The following PTPRO variants were observed in gnomAD, a reference collection of about 807,000 sequenced individuals.
The protein encoded by PTPRO is protein tyrosine phosphatase receptor type O.
A neutral mutation model predicts 145.2 loss-of-function variants in PTPRO; 62 were observed. The observed-to-expected ratio is 0.43, with a 90% confidence interval of 0.35 to 0.53. The LOEUF (loss-of-function observed/expected upper bound fraction) is 0.53. Ranked by LOEUF, PTPRO falls within the 20% of genes least tolerant of loss-of-function variation. PTPRO has a pLI of 0.01. For missense variants in PTPRO, 1,345 were observed against 1,482.7 expected, an observed-to-expected ratio of 0.91 and a Z score of 1.53; for synonymous variants, 565 against 514.7, an observed-to-expected ratio of 1.10 and a Z score of -1.32.
chr12:15,559,576 G>A (rs1294948525), intron 16 of PTPRO, among the ~76,000 whole-genome samples: 4 of 152,098 alleles, frequency 2.6e-5, no homozygotes, highest in African/African-American at 9.7e-5. Flanking sequence ...AGTAGTTGAT[G>A]AGCTACTTAT....
At chr12:15,342,335 C>T (rs1271033308) in intron 1 of PTPRO, among the ~76,000 whole-genome samples, 1 of 152,166 alleles carries the variant, frequency 6.6e-6, no homozygotes, top group African/African-American at 2.4e-5. Flanking sequence ...ATTTCATACC[C>T]ATACCACCCA....
intron 1 of PTPRO, among the ~76,000 whole-genome samples, chr12:15,399,146 G>C (rs2136296662): frequency 6.6e-6 from 1 of 152,278 alleles, no homozygotes; most frequent in Admixed American, 6.5e-5. Context: ...TAAGAAAAAA[G>C]AAGCTTTGAT....
rs1203286253 is a variant in PTPRO, at chr12:15,597,911, G to A, written c.*1838G>A. On this transcript the variant is annotated 3_prime_UTR_variant, in exon 27 of 27. Transcript: ENST00000281171. ...GACATTCTTAGATTTTCACACATGG[G>A]CAGTCAGGAGTGAAATGTGCAACCT... Among the ~76,000 whole-genome samples, 2 of 152,218 alleles carry A rather than the reference G, an allele frequency of 1.3e-5. No homozygotes were observed. Among genetic ancestry groups the A allele is most frequent in the Non-Finnish European group, 2.9e-5 (2 of 68,034 alleles).
intron 1 of PTPRO, among the ~76,000 whole-genome samples, chr12:15,472,291 T>C (rs1941560239): frequency 1.3e-5 from 2 of 152,212 alleles, no homozygotes; most frequent in Admixed American, 1.3e-4. Context: ...TGGCCTTACA[T>C]CATCCCAGTC....
At chr12:15,392,498 A>G (rs184890265) in intron 1 of PTPRO, among the ~76,000 whole-genome samples, 93 of 152,032 alleles carry the variant, frequency 6.1e-4, no homozygotes, top group African/African-American at 2.1e-3. Context: ...AGATGGGTGG[A>G]TGATTTGAGA....
chr12:15,452,313 A>T (rs1448440481), intron 1 of PTPRO, among the ~76,000 whole-genome samples: 2 of 152,210 alleles, frequency 1.3e-5, no homozygotes, highest in Non-Finnish European at 2.9e-5. Flanking sequence ...GAAACCCTGA[A>T]CAGGCCAATA....
chr12:15,543,720 A>G (rs1278319681), intron 12 of PTPRO, among the ~76,000 whole-genome samples: 1 of 152,230 alleles, frequency 6.6e-6, no homozygotes, highest in Non-Finnish European at 1.5e-5. Flanking sequence ...CATAGATTAT[A>G]TAGGAAATAA....
At chr12:15,442,694 C>A (rs1220962654) in intron 1 of PTPRO, among the ~76,000 whole-genome samples, 1 of 151,946 alleles carries the variant, frequency 6.6e-6, no homozygotes, top group South Asian at 2.1e-4. Context: ...TTTTATACAC[C>A]AATAGCATTC....
At position 15,472,103 on chromosome 12, in the gene PTPRO, A is replaced by G. The variant is rs1381032; in HGVS notation, c.76-11871A>G. On this transcript the variant is annotated intron_variant, in intron 1 of 26. Transcript: ENST00000281171. ...AGAACTGAGCAGCCTATTCCTTCCT[A>G]GGTGGTAACCTGAGCACAGCAGAAT... 5.6e-3 allele frequency among the ~76,000 whole-genome samples: 856 copies of G among 152,320 alleles called. 56 individuals are homozygous for G. The East Asian group carries it at 0.14, about 25-fold the overall frequency.
intron 2 of PTPRO, among the ~76,000 whole-genome samples, chr12:15,491,281 A>G (rs185993528): frequency 1.3e-5 from 2 of 152,350 alleles, no homozygotes; most frequent in Admixed American, 1.3e-4. Flanking sequence ...CTGAACATGA[A>G]CACAATTGCT....
Position 15,322,740 on chromosome 12 carries a change from C to A in PTPRO, c.14C>A (p.Pro5His), listed in dbSNP as rs542092081. 6.2e-7 allele frequency: 1 copy of A among 1,612,126 alleles called. No individual in the cohort carries two copies. The highest frequency in any genetic ancestry group is 2.2e-5 in the East Asian group (1 of 44,828). Residue 5 changes from proline (P) to histidine (H), a missense_variant, in exon 1 of 27, where the codon CCC becomes CAC. Physicochemically the swap from Pro to His is moderately conservative, Grantham distance 77. Coordinates refer to ENST00000281171, the MANE Select transcript of PTPRO (RefSeq NM_030667.3). The surrounding 1 kb of genome is among the most constrained non-coding windows in gnomAD (Gnocchi z 6.3). The stretch of plus-strand genomic sequence containing the variant: ...GTCCGCGCAGCGATGGGGCACCTGC[C>A]CACGGGGATACACGGCGCCCGCCGC... MGHL[P>H]TGIHGARRLL... is the part of the protein sequence containing the mutation.
intron 25 of PTPRO, among the ~76,000 whole-genome samples, chr12:15,592,904 C>A (rs1361992096): frequency 6.6e-6 from 1 of 152,200 alleles, no homozygotes; most frequent in Admixed American, 6.5e-5. Flanking sequence ...TTGCTTTGAG[C>A]AGCCCATCCT....
chr12:15,560,381 A>G, intron 17 of PTPRO, 105 bp downstream of exon 17: 2 of 834,252 alleles, frequency 2.4e-6, no homozygotes, highest in South Asian at 1.5e-5. Context: ...ATGTTCAGTA[A>G]CATCTAAAGT....
rs760592216 is a variant in PTPRO, at chr12:15,513,147, GAA to G, written c.1465-2349_1465-2348del. ...AGGAAGGAAGGAAGGAAGGAAGAAAGAAAGAAAGAAAAAGAAAGAAAGAAAGA... is the reference window on the plus strand; with the variant it reads ...AGGAAGGAAGGAAGGAAGGAAGAAAGAGAAAGAAAAAGAAAGAAAGAAAGA... On this transcript the variant is annotated intron_variant, in intron 7 of 26. Transcript: ENST00000281171. Among the ~76,000 whole-genome samples the G allele has an allele frequency of 3.2e-4, 11 of 33,880 alleles. 1 individual carries two copies. The highest frequency in any genetic ancestry group is 2.2e-3 in the East Asian group (6 of 2,696). The allele number at this position is 33,880 out of a possible 152,430, so 22.2% of individuals were successfully genotyped here.
intron 18 of PTPRO, among the ~76,000 whole-genome samples, chr12:15,568,870 G>A (rs1381524506): frequency 1.3e-5 from 2 of 152,122 alleles, no homozygotes; most frequent in Non-Finnish European, 2.9e-5. Context: ...CTCTGCTTTG[G>A]GGAGACTGTA....
intron 1 of PTPRO, among the ~76,000 whole-genome samples, chr12:15,365,412 T>TTATA (rs141677187): frequency 6.7e-4 from 102 of 151,152 alleles, no homozygotes; most frequent in African/African-American, 2.1e-3. Context: ...CTATATATGT[T>TTATA]TATATATATA....
intron 4 of PTPRO, among the ~76,000 whole-genome samples, chr12:15,500,507 G>C (rs3790003): frequency 0.96 from 146,427 of 152,310 alleles, 70,443 homozygotes; most frequent in Middle Eastern, 1. Flanking sequence ...GGATCCTTGT[G>C]CTCAAAAATT....
At chr12:15,440,713 A>G (rs1327512274) in intron 1 of PTPRO, among the ~76,000 whole-genome samples, 1 of 152,200 alleles carries the variant, frequency 6.6e-6, no homozygotes, top group Admixed American at 6.5e-5. Context: ...TAAACAAAAA[A>G]GCAGGGGTCA....
At chr12:15,547,811 T>A (rs1349545571) in intron 13 of PTPRO, among the ~76,000 whole-genome samples, 1 of 152,140 alleles carries the variant, frequency 6.6e-6, no homozygotes, top group East Asian at 1.9e-4. Flanking sequence ...TTTTATAGAA[T>A]AGTGAAAGAG....
Sources: gnomAD v4.1 joint callset for allele counts (sites outside exome capture counted in the v4.1 genomes callset) on GRCh38, gnomAD v4.1.1 for gene constraint, Gnocchi (gnomAD v3.1) non-coding constraint, MANE v1.5 for transcripts, NCBI Gene and HGNC (gene_info 2026-07-23, HGNC 2026-07-21) for gene names.